The following TDRD10 variants were observed in gnomAD, a reference collection of about 807,000 sequenced individuals.
TDRD10 encodes tudor domain containing 10.
A neutral mutation model predicts 48.0 loss-of-function variants in TDRD10; 40 were observed. The observed-to-expected ratio is 0.83, with a 90% CI of 0.65 to 1.09. The LOEUF (loss-of-function observed/expected upper bound fraction) is 1.09, where lower values mean the gene tolerates loss of function less well. TDRD10 is among the 50% of genes least tolerant of loss of function. The pLI, the probability that TDRD10 is intolerant of heterozygous loss-of-function variation, is 0.00. For synonymous variants in TDRD10, 162 were observed against 170.4 expected, an observed-to-expected ratio of 0.95 and a Z score of 0.38; for missense variants, 378 against 434.7, an observed-to-expected ratio of 0.87 and a Z score of 1.16.
intron 6 of TDRD10, among the ~76,000 whole-genome samples, chr1:154,535,765 GA>G (rs1557831356): frequency 2.6e-5 from 4 of 152,210 alleles, no homozygotes; most frequent in East Asian, 1.9e-4. Flanking sequence ...AGAAAGCTAT[GA>G]AGGAGTGTGT....
chr1:154,506,973 C>A, intron 2 of TDRD10, 68 bp downstream of exon 2: 2 of 1,613,830 alleles, frequency 1.2e-6, no homozygotes, highest in African/African-American at 1.3e-5. Context: ...TCTCCCATTC[C>A]TGTCTCACCA....
chr1:154,541,086 G>A (rs1695202699), intron 6 of TDRD10, among the ~76,000 whole-genome samples: 1 of 152,148 alleles, frequency 6.6e-6, no homozygotes, highest in African/African-American at 2.4e-5. Flanking sequence ...GAGCACAGAA[G>A]CAGGAATTGG....
chr1:154,514,987 C>T (rs1380146572), intron 4 of TDRD10, among the ~76,000 whole-genome samples: 1 of 152,044 alleles, frequency 6.6e-6, no homozygotes, highest in Non-Finnish European at 1.5e-5. Flanking sequence ...CCTGCCTCAG[C>T]CTCCTGTGTA....
chr1:154,530,244 A>C (rs780551172), intron 6 of TDRD10, among the ~76,000 whole-genome samples: 5 of 151,886 alleles, frequency 3.3e-5, no homozygotes, highest in Non-Finnish European at 5.9e-5. Flanking sequence ...TGAACTCCTG[A>C]CCTCAGGTGA....
chr1:154,511,991 C>T (rs1184674449), intron 4 of TDRD10, among the ~76,000 whole-genome samples: 1 of 151,580 alleles, frequency 6.6e-6, no homozygotes, highest in Non-Finnish European at 1.5e-5. Context: ...GATCATGCCA[C>T]TGCACTCCAG....
chr1:154,544,252 C>G, intron 9 of TDRD10, 120 bp from the exon 10 acceptor site: 1 of 1,538,182 alleles, frequency 6.5e-7, no homozygotes, highest in Non-Finnish European at 8.8e-7. Context: ...GTTCTCTCTC[C>G]CACCTCATAC....
intron 6 of TDRD10, among the ~76,000 whole-genome samples, chr1:154,523,810 C>A (rs11265627): frequency 0.79 from 119,403 of 152,042 alleles, 47,616 homozygotes; most frequent in East Asian, 0.92. Context: ...ATTCACACAA[C>A]CTTGCTAACT....
At chr1:154,521,728 A>G (rs1170941486) in intron 6 of TDRD10, among the ~76,000 whole-genome samples, 3 of 152,234 alleles carry the variant, frequency 2.0e-5, no homozygotes. Flanking sequence ...CCATTAGGCA[A>G]TTCAGTCAGG....
chr1:154,527,515 A>G (rs1458464506), intron 6 of TDRD10, among the ~76,000 whole-genome samples: 1 of 152,250 alleles, frequency 6.6e-6, no homozygotes, highest in Non-Finnish European at 1.5e-5. Context: ...AGTGAAAGGC[A>G]AAACTTAAAA....
At position 154,518,344 on chromosome 1, in the gene TDRD10, A is replaced by G. The variant is rs911878144; in HGVS notation, c.142-1960A>G. Reference sequence around the variant, plus strand: ...TCTTTGTAATTTAAAAAATCCTAATAAGTTACTTTTATGATTTAAAATGAG... The same window carrying G: ...TCTTTGTAATTTAAAAAATCCTAATGAGTTACTTTTATGATTTAAAATGAG... On this transcript the variant is annotated intron_variant, in intron 4 of 12. Transcript: ENST00000368482. Among the ~76,000 whole-genome samples the G allele has an allele frequency of 4.6e-5, 7 of 152,314 alleles. No homozygotes were observed. The South Asian group carries it at 6.2e-4, about 14-fold the overall frequency.
At chr1:154,524,192 G>C (rs1052767871) in intron 6 of TDRD10, among the ~76,000 whole-genome samples, 8 of 152,006 alleles carry the variant, frequency 5.3e-5, no homozygotes, top group Non-Finnish European at 1.0e-4. Flanking sequence ...CCTGAGACAG[G>C]GTGTTGCTTT....
rs1019770946 is a variant in TDRD10 at position 154,543,976 on chromosome 1, G to A, written c.517G>A (p.Val173Met). Reference sequence around the variant, plus strand: ...CTCTTCCCGCAGAGGGTCCTTCCTGGTGCTGCTCCTGAGGGAATGCTTCCG... The same window carrying A: ...CTCTTCCCGCAGAGGGTCCTTCCTGATGCTGCTCCTGAGGGAATGCTTCCG... ...VPLEMRGSFL[V>M]LLLRECFRDL... The change falls in exon 9 of 13, where the codon GTG becomes ATG. Residue 173 changes from valine (V) to methionine (M), a missense_variant. By Grantham distance (21) the Val-to-Met change is conservative. Transcript: ENST00000368482. 18 of 1,614,006 alleles carry A rather than the reference G, an allele frequency of 1.1e-5. No individual in the cohort carries two copies. The East Asian group carries it at 1.6e-4, about 14-fold the overall frequency.
In TDRD10 at chr1:154,534,813, G is replaced by A. The variant is rs59191427; in HGVS notation, c.370-7211G>A. Among the ~76,000 whole-genome samples, 473 of 152,038 alleles carry A rather than the reference G, an allele frequency of 3.1e-3. 3 individuals are homozygous for A. The highest frequency in any genetic ancestry group is 0.014 in the Middle Eastern group (4 of 294). On this transcript the variant is annotated intron_variant, in intron 6 of 12. Coordinates refer to ENST00000368482, the MANE Select transcript of TDRD10 (RefSeq NM_182499.4). ...AGGTAAAATTAGAAGATAAGCTTAC[G>A]TGGCACAACACGCATCCAGGCAGTG...
intron 6 of TDRD10, among the ~76,000 whole-genome samples, chr1:154,528,645 C>A (rs1325110309): frequency 1.2e-5 from 1 of 82,996 alleles, no homozygotes; most frequent in African/African-American, 3.5e-5. Context: ...ATGGTGAAAC[C>A]CTGTCTCTAC....
intron 6 of TDRD10, among the ~76,000 whole-genome samples, chr1:154,530,128 C>T (rs1694531109): frequency 6.6e-6 from 1 of 152,148 alleles, no homozygotes; most frequent in Admixed American, 6.6e-5. Flanking sequence ...GATTCTCCTG[C>T]CTCAGCCTCC....
At chr1:154,522,108 C>A (rs536027665) in intron 6 of TDRD10, among the ~76,000 whole-genome samples, 1 of 152,150 alleles carries the variant, frequency 6.6e-6, no homozygotes, top group African/African-American at 2.4e-5. Context: ...GAAATCTGAA[C>A]AATAGTAGCT....
At chr1:154,505,034 C>A (rs1328703769) in intron 1 of TDRD10, among the ~76,000 whole-genome samples, 1 of 152,186 alleles carries the variant, frequency 6.6e-6, no homozygotes, top group Non-Finnish European at 1.5e-5. Context: ...TAGGTTACTT[C>A]TCCAGACCAA....
chr1:154,528,615 C>T (rs960613654), intron 6 of TDRD10, among the ~76,000 whole-genome samples: 9 of 151,870 alleles, frequency 5.9e-5, no homozygotes, highest in South Asian at 2.1e-4. Flanking sequence ...CTGAGGCAGG[C>T]GGAGACCAGC....
chr1:154,543,993 A>G lies in TDRD10; in HGVS notation c.534A>G (p.Glu178=). The change falls in exon 9 of 13, where the codon GAA becomes GAG. Residue 178 remains glutamate (E), a synonymous_variant. Coordinates refer to ENST00000368482, the MANE Select transcript of TDRD10 (RefSeq NM_182499.4). ...RGSFLVLLLR[E]CFRDLSWLAL... ...CCTTCCTGGTGCTGCTCCTGAGGGA[A>G]TGCTTCCGAGACCTGAGCTGGCTGG... The G allele has an allele frequency of 6.2e-7, 1 of 1,614,112 alleles. No homozygotes were observed. Among genetic ancestry groups the G allele is most frequent in the Non-Finnish European group, 8.5e-7 (1 of 1,180,006 alleles).
Sources: gnomAD v4.1 joint callset for allele counts (sites outside exome capture counted in the v4.1 genomes callset) on GRCh38, gnomAD v4.1.1 for gene constraint, MANE v1.5 for transcripts, NCBI Gene and HGNC (gene_info 2026-07-23, HGNC 2026-07-21) for gene names.